MTSS1: variants seen among roughly 807,000 people sequenced by gnomAD.
MTSS1 encodes MTSS I-BAR domain containing 1, also known as protein MTSS 1.
A neutral mutation model predicts 79.0 loss-of-function variants in MTSS1; 18 were observed. The observed-to-expected ratio is 0.23, with a 90% CI of 0.16 to 0.34. The LOEUF (loss-of-function observed/expected upper bound fraction) is 0.34, where lower values mean the gene tolerates loss of function less well. Among genes scored for constraint, MTSS1 ranks in the 10% least tolerant of loss-of-function variants. The pLI, the probability that MTSS1 is intolerant of heterozygous loss-of-function variation, is 1.00. For synonymous variants in MTSS1, 341 were observed against 368.6 expected, an observed-to-expected ratio of 0.93 and a Z score of 0.86; for missense variants, 815 against 986.2, an observed-to-expected ratio of 0.83 and a Z score of 2.33.
intron 1 of MTSS1, among the ~76,000 whole-genome samples, chr8:124,725,188 A>G (rs1833518191): frequency 6.6e-6 from 1 of 152,160 alleles, no homozygotes; most frequent in Non-Finnish European, 1.5e-5. Context: ...GATTTCTTCC[A>G]CACCTTACTG....
intron 3 of MTSS1, among the ~76,000 whole-genome samples, chr8:124,614,156 C>T (rs980091345): frequency 8.2e-6 from 1 of 122,520 alleles, no homozygotes; most frequent in Admixed American, 8.1e-5. Context: ...AGAGCAAATA[C>T]CTGCCTCAAA....
At chr8:124,692,298 C>T (rs1040792865) in intron 3 of MTSS1, among the ~76,000 whole-genome samples, 23 of 151,668 alleles carry the variant, frequency 1.5e-4, no homozygotes, top group Admixed American at 5.3e-4. Context: ...TCAAATGATT[C>T]GAACTTTACA....
rs745341192 is a variant in MTSS1, at chr8:124,556,281, G to A, written c.1355C>T (p.Ala452Val). 3.1e-6 allele frequency: 5 copies of A among 1,614,220 alleles called. No individual in the cohort carries two copies. The highest frequency in any genetic ancestry group is 4.2e-6 in the Non-Finnish European group (5 of 1,180,036). ...PTTASGPPAA[A>V]EEAQRPRSMT... ...GCTCCGTGGTCTCTGAGCCTCCTCA[G>A]CTGCTGCAGGTGGGCCGCTGGCGGT... The change falls in exon 12 of 14, where the codon GCT becomes GTT. Residue 452 changes from alanine (A) to valine (V), a missense_variant. Coordinates refer to ENST00000518547, the MANE Select transcript of MTSS1 (RefSeq NM_014751.6).
intron 10 of MTSS1, 122 bp from the exon 11 acceptor site, chr8:124,557,997 CA>C: frequency 1.3e-6 from 1 of 768,088 alleles, no homozygotes; most frequent in Non-Finnish European, 2.0e-6. Context: ...ATAAATAAAA[CA>C]AACATTGGGG....
At chr8:124,558,057 G>A in intron 10 of MTSS1, 182 bp from the exon 11 acceptor site, 2 of 559,014 alleles carry the variant, frequency 3.6e-6, no homozygotes, top group Non-Finnish European at 6.3e-6. Flanking sequence ...GAGCCGGGGT[G>A]CAAAGAATGC....
intron 3 of MTSS1, among the ~76,000 whole-genome samples, chr8:124,605,529 G>A (rs921888269): frequency 1.4e-4 from 19 of 139,506 alleles, no homozygotes; most frequent in African/African-American, 5.1e-4. Flanking sequence ...GGGACTCTGC[G>A]GAGACAGCCC....
At chr8:124,598,202 A>G (rs1045094211) in intron 3 of MTSS1, among the ~76,000 whole-genome samples, 1 of 152,156 alleles carries the variant, frequency 6.6e-6, no homozygotes, top group Admixed American at 6.5e-5. Context: ...GGCTGAGGTG[A>G]GAGGATCGCT....
At position 124,553,620 on chromosome 8, in the gene MTSS1, G is replaced by C; in HGVS notation, c.1640C>G (p.Thr547Ser). 6.2e-7 allele frequency: 1 copy of C among 1,614,194 alleles called. No individual in the cohort carries two copies. The highest frequency in any genetic ancestry group is 8.5e-7 in the Non-Finnish European group (1 of 1,180,034). Residue 547 changes from threonine to serine, a missense_variant, in exon 14 of 14, where the codon ACC becomes AGC. Physicochemically the swap from Thr to Ser is moderately conservative, Grantham distance 58. Around this residue, in one of 2 missense-constraint regions of MTSS1, gnomAD observed 590 missense variants for 620.8 expected, o/e 0.95. Transcript: ENST00000518547. This position sits in a 1 kb window ranked among gnomAD's most constrained non-coding sequence, Gnocchi z 6.0. ...ADQQEFDKSS[T>S]IPRNSDISQS... ...GCTGATGTCGCTGTTTCTTGGAATG[G>C]TGGAGGACTTGTCGAACTCCTGCTG...
intron 7 of MTSS1, 96 bp downstream of exon 7, chr8:124,568,281 AGT>A: frequency 7.3e-7 from 1 of 1,378,474 alleles, no homozygotes; most frequent in Non-Finnish European, 9.9e-7. Context: ...GATTCCTGAC[AGT>A]AGATTCTCCA....
intron 5 of MTSS1, among the ~76,000 whole-genome samples, chr8:124,589,321 G>A (rs189209369): frequency 5.9e-5 from 9 of 152,284 alleles, no homozygotes; most frequent in Admixed American, 1.3e-4. Flanking sequence ...CTGAGCCACC[G>A]CGCCCACCCT....
chr8:124,710,236 G>A (rs1320967645), intron 1 of MTSS1, among the ~76,000 whole-genome samples: 1 of 152,224 alleles, frequency 6.6e-6, no homozygotes, highest in Non-Finnish European at 1.5e-5. Context: ...AGGAAGACCG[G>A]GGTGGCCTTC....
intron 3 of MTSS1, among the ~76,000 whole-genome samples, chr8:124,624,983 G>A (rs754551274): frequency 2.6e-5 from 4 of 152,162 alleles, no homozygotes; most frequent in South Asian, 2.1e-4. Flanking sequence ...AGACCTCAGC[G>A]GCTGTAACAA....
intron 3 of MTSS1, among the ~76,000 whole-genome samples, chr8:124,690,165 C>T (rs896194263): frequency 1.3e-5 from 2 of 152,314 alleles, no homozygotes; most frequent in African/African-American, 2.4e-5. Flanking sequence ...CTGCTCCCGC[C>T]GCCGCCACCA....
chr8:124,621,487 A>G (rs898840405), intron 3 of MTSS1, among the ~76,000 whole-genome samples: 1 of 152,118 alleles, frequency 6.6e-6, no homozygotes, highest in Non-Finnish European at 1.5e-5. Context: ...CAGTACCGTC[A>G]TTCCAATCAT....
chr8:124,636,444 C>G (rs1315678256), intron 3 of MTSS1, among the ~76,000 whole-genome samples: 1 of 152,154 alleles, frequency 6.6e-6, no homozygotes, highest in Non-Finnish European at 1.5e-5. Flanking sequence ...GTTTGGTGGC[C>G]TTTCTCTATT....
intron 1 of MTSS1, among the ~76,000 whole-genome samples, chr8:124,706,162 C>T (rs989966979): frequency 1.3e-5 from 2 of 151,972 alleles, no homozygotes; most frequent in African/African-American, 4.8e-5. Context: ...GTTATAGAAT[C>T]GTCTATTTAT....
intron 3 of MTSS1, among the ~76,000 whole-genome samples, chr8:124,628,681 T>C (rs1164874006): frequency 1.3e-5 from 2 of 152,174 alleles, no homozygotes; most frequent in East Asian, 3.9e-4. Flanking sequence ...TTTTGTCAGC[T>C]AAATAATAAG....
chr8:124,563,090 A>G lies in MTSS1; in HGVS notation c.825-98T>C. ...GGAAGGAGGGGAACAGATGAGGCAG[A>G]AGAGAGAGAAGCACAACATAATGCA... On this transcript the variant is annotated intron_variant, in intron 9 of 13. Coordinates refer to ENST00000518547, the MANE Select transcript of MTSS1 (RefSeq NM_014751.6). 3 of 998,328 alleles carry G rather than the reference A, an allele frequency of 3.0e-6. No homozygotes were observed. The East Asian group carries it at 7.8e-5, about 26-fold the overall frequency. 61.8% of individuals were successfully genotyped at this position (998,328 alleles called of 1,614,324 possible). A position where few individuals can be genotyped will look rare whatever the true frequency, so the allele number is the denominator to read the frequency against.
intron 3 of MTSS1, among the ~76,000 whole-genome samples, chr8:124,622,486 A>G (rs1033621938): frequency 8.2e-5 from 6 of 72,736 alleles, no homozygotes; most frequent in African/African-American, 2.6e-4. Context: ...TGCCATATTG[A>G]AAAAAAAAAA....
Sources: gnomAD v4.1 joint callset for allele counts (sites outside exome capture counted in the v4.1 genomes callset) on GRCh38, gnomAD v4.1.1 for gene constraint, gnomAD v4.1.1 regional missense constraint, Gnocchi (gnomAD v3.1) non-coding constraint, MANE v1.5 for transcripts, NCBI Gene and HGNC (gene_info 2026-07-23, HGNC 2026-07-21) for gene names.